Variants in NME9 observed in about 807,000 individuals in gnomAD.
The protein encoded by NME9 is thioredoxin domain-containing protein 6.
In NME9, 48 loss-of-function variants were observed where a neutral mutation model predicts 44.4. The ratio of observed to expected loss-of-function variants is 1.08; its 90% CI spans 0.86 to 1.37. The LOEUF (loss-of-function observed/expected upper bound fraction) is 1.37. Among genes scored for constraint, NME9 ranks in the 40% most tolerant of loss-of-function variants. NME9 has a pLI of 0.00. For synonymous variants in NME9, 139 were observed against 147.1 expected (o/e 0.94, Z 0.40); for missense variants, 325 against 405.2 (o/e 0.80, Z 1.70).
chr3:138,277,430 C>T lies in NME9; in HGVS notation c.746-14844G>A, dbSNP rs561431502. Among the ~76,000 whole-genome samples, 6 of 152,316 alleles carry T rather than the reference C, an allele frequency of 3.9e-5. No individual in the cohort carries two copies. In the South Asian group the frequency reaches 6.2e-4, roughly 16 times the overall value. On this transcript the variant is annotated intron_variant, in intron 8 of 8. Coordinates refer to the NME9 transcript ENST00000317876. ...TCATCAAACTGTAAAACTTCTGCGT[C>T]GTGAAATGCACTGTTAAGAGACTGA...
At chr3:138,280,691 A>G (rs905203522) in intron 8 of NME9, among the ~76,000 whole-genome samples, 2 of 151,700 alleles carry the variant, frequency 1.3e-5, no homozygotes, top group Non-Finnish European at 2.9e-5. Context: ...ACAGGGTTTC[A>G]CCATGTTGGC....
At chr3:138,320,172 A>G (rs930440317) in intron 2 of NME9, among the ~76,000 whole-genome samples, 4 of 152,162 alleles carry the variant, frequency 2.6e-5, no homozygotes, top group Non-Finnish European at 4.4e-5. Flanking sequence ...TCTATAGTAC[A>G]TGTCAGGGCT....
intron 2 of NME9, among the ~76,000 whole-genome samples, chr3:138,322,425 G>C (rs1312932218): frequency 6.6e-6 from 1 of 151,964 alleles, no homozygotes; most frequent in South Asian, 2.1e-4. Context: ...ATTTGACTCC[G>C]AGTGAGAGGA....
At chr3:138,305,955 A>C in intron 8 of NME9, 49 bp downstream of exon 8, 1 of 1,195,402 alleles carries the variant, frequency 8.4e-7, no homozygotes, top group South Asian at 1.2e-5. Context: ...ATAATGTTGG[A>C]GGAAGAGAAA....
chr3:138,286,427 T>G (rs1254157486), intron 8 of NME9, among the ~76,000 whole-genome samples: 1 of 152,148 alleles, frequency 6.6e-6, no homozygotes, highest in Non-Finnish European at 1.5e-5. Context: ...CTTACCCCAC[T>G]TACAGCAGAC....
chr3:138,294,049 A>G (rs1483880332), intron 8 of NME9, among the ~76,000 whole-genome samples: 2 of 152,204 alleles, frequency 1.3e-5, no homozygotes, highest in East Asian at 3.8e-4. Context: ...TAGAAAGACA[A>G]TAAAGGTACA....
At chr3:138,288,339 G>A (rs113748513) in intron 8 of NME9, among the ~76,000 whole-genome samples, 4 of 152,332 alleles carry the variant, frequency 2.6e-5, no homozygotes, top group African/African-American at 9.6e-5. Flanking sequence ...TATGTTGGCT[G>A]TTGGTGACCT....
intron 9 of NME9, 101 bp downstream of exon 9, chr3:138,304,772 C>T: frequency 1.7e-6 from 2 of 1,163,188 alleles, no homozygotes; most frequent in Non-Finnish European, 2.5e-6. Context: ...TCAGAGAGTC[C>T]TCTGTGTTAC....
chr3:138,271,139 T>C lies in NME9; in HGVS notation c.746-8553A>G, dbSNP rs142208497. Among the ~76,000 whole-genome samples the C allele has an allele frequency of 3.6e-3, 556 of 152,332 alleles. 4 individuals are homozygous for C. Among genetic ancestry groups the C allele is most frequent in the African/African-American group, 0.012 (489 of 41,576 alleles). Reference sequence around the variant, plus strand: ...CTGTGTTTTTATACAGACTTTAGGATAGAAATAATTATCTTCTAAGAAAGC... The same window carrying C: ...CTGTGTTTTTATACAGACTTTAGGACAGAAATAATTATCTTCTAAGAAAGC... On this transcript the variant is annotated intron_variant, in intron 8 of 8. Transcript: ENST00000317876.
At chr3:138,306,881 A>AG (rs1447708574) in intron 6 of NME9, among the ~76,000 whole-genome samples, 2 of 152,244 alleles carry the variant, frequency 1.3e-5, no homozygotes, top group South Asian at 2.1e-4. Flanking sequence ...AGAAAGTGAG[A>AG]GGGGGGCCTG....
At chr3:138,308,859 TC>T (rs1187945563) in intron 6 of NME9, among the ~76,000 whole-genome samples, 1 of 148,942 alleles carries the variant, frequency 6.7e-6, no homozygotes, top group African/African-American at 2.5e-5. Context: ...CTTCCCAGAG[TC>T]TTTCCAATTT....
chr3:138,272,939 A>AT (rs750840152), intron 8 of NME9: 1 of 1,491,372 alleles, frequency 6.7e-7, no homozygotes, highest in South Asian at 1.4e-5. Context: ...TGTAGACATG[A>AT]TTCTTGCAAC....
At chr3:138,315,455 G>C in intron 5 of NME9, 72 bp downstream of exon 5, 1 of 1,013,442 alleles carries the variant, frequency 9.9e-7, no homozygotes, top group South Asian at 1.4e-5. Flanking sequence ...AGGTGAAGGA[G>C]ATGGGGACTG....
At chr3:138,288,902 G>T in intron 8 of NME9, 3 of 607,394 alleles carry the variant, frequency 4.9e-6, no homozygotes, top group Non-Finnish European at 8.8e-6. Context: ...CTCCCAAAGT[G>T]CTGGGATTAC....
At chr3:138,325,409 T>G (rs1354813963) in intron 1 of NME9, among the ~76,000 whole-genome samples, 3 of 151,556 alleles carry the variant, frequency 2.0e-5, no homozygotes, top group African/African-American at 4.9e-5. Flanking sequence ...TTTTTTTTTT[T>G]TTGTTTTTTT....
rs1171895961 is a variant in NME9, at chr3:138,324,748, GTTT to G, written c.91+122_91+124del. 21 of 674,010 alleles carry G rather than the reference GTTT, an allele frequency of 3.1e-5. 1 individual carries two copies. In the South Asian group the frequency reaches 3.3e-4, roughly 11 times the overall value. 41.8% of individuals were successfully genotyped at this position (674,010 alleles called of 1,614,324 possible). On this transcript the variant is annotated intron_variant, in intron 2 of 10. Coordinates refer to ENST00000333911, the MANE Select transcript of NME9 (RefSeq NM_001349018.2). ...CACACACACACACACACATCACCTG[GTTT>G]TTTATGAGGCTCAAGGTAATAGGAA...
At chr3:138,283,251 C>T (rs1190815545) in intron 8 of NME9, among the ~76,000 whole-genome samples, 1 of 152,162 alleles carries the variant, frequency 6.6e-6, no homozygotes, top group Non-Finnish European at 1.5e-5. Flanking sequence ...GGGGCTTGGG[C>T]CACTGCAAGA....
At chr3:138,291,450 T>C (rs1577060946) in intron 8 of NME9, among the ~76,000 whole-genome samples, 2 of 152,206 alleles carry the variant, frequency 1.3e-5, no homozygotes, top group African/African-American at 2.4e-5. Flanking sequence ...TCATCAGATA[T>C]CTCTTTTGAA....
intron 9 of NME9, among the ~76,000 whole-genome samples, chr3:138,304,314 G>A (rs769673500): frequency 3.3e-5 from 5 of 152,144 alleles, no homozygotes; most frequent in Non-Finnish European, 5.9e-5. Flanking sequence ...TGTTGTCTGG[G>A]CCTGTCAGCT....
Sources: gnomAD v4.1 joint callset for allele counts (sites outside exome capture counted in the v4.1 genomes callset) on GRCh38, gnomAD v4.1.1 for gene constraint, MANE v1.5 for transcripts, NCBI Gene and HGNC (gene_info 2026-07-23, HGNC 2026-07-21) for gene names.